The following CD99 variants were observed in gnomAD, a reference collection of about 807,000 sequenced individuals.
The protein encoded by CD99 is CD99 antigen.
CD99 carries 19 observed loss-of-function variants against 28.4 expected under a neutral mutation model. The observed-to-expected ratio is 0.67, with a 90% CI of 0.47 to 0.98. The LOEUF is 0.98. Among genes scored for constraint, CD99 ranks in the 50% least tolerant of loss-of-function variants. CD99 has a pLI of 0.00. For synonymous variants in CD99, 103 were observed against 92.1 expected (o/e 1.12, Z -0.67); for missense variants, 283 against 248.8 (o/e 1.14, Z -0.92).
chrX:2,694,756 G>GA (rs928806695), intron 1 of CD99, among the ~76,000 whole-genome samples: 3,217 of 145,010 alleles, frequency 0.022, 52 homozygotes, highest in Non-Finnish European at 0.031. Context: ...CAGTCTCAAA[G>GA]AAAAAAAAAA....
chrX:2,715,710 T>C lies in CD99; in HGVS notation c.100+1256T>C, dbSNP rs1004817257. 8 of 152,344 alleles carry C rather than the reference T, an allele frequency of 5.3e-5. No homozygotes were observed. The East Asian group carries it at 1.5e-3, about 29-fold the overall frequency. The allele number at this position is 152,344 out of a possible 1,614,324, so 9.4% of individuals were successfully genotyped here. On this transcript the variant is annotated intron_variant, in intron 2 of 9. Coordinates refer to ENST00000381192, the MANE Select transcript of CD99 (RefSeq NM_002414.5). The stretch of plus-strand genomic sequence containing the variant: ...CACTGCAGTTATATCCAGTTCTTTT[T>C]GGTGGCTCTAGGGGAGGATCCTTCC...
chrX:2,701,820 C>T (rs776240370), intron 1 of CD99, among the ~76,000 whole-genome samples: 1 of 152,236 alleles, frequency 6.6e-6, no homozygotes, highest in South Asian at 2.1e-4. Context: ...GGGGCTGGGG[C>T]TATTTTTGGC....
intron 1 of CD99, among the ~76,000 whole-genome samples, chrX:2,709,388 A>G (rs986053685): frequency 6.6e-5 from 10 of 152,226 alleles, no homozygotes; most frequent in African/African-American, 2.4e-4. Flanking sequence ...CCTCACACAT[A>G]TGCACACAAG....
chrX:2,704,310 G>A (rs1431470118), intron 1 of CD99, among the ~76,000 whole-genome samples: 1 of 152,048 alleles, frequency 6.6e-6, no homozygotes, highest in Non-Finnish European at 1.5e-5. Context: ...GTTCTTTCAC[G>A]TCTATACCCT....
At chrX:2,721,493 A>G (rs900458418) in intron 5 of CD99, among the ~76,000 whole-genome samples, 17 of 151,874 alleles carry the variant, frequency 1.1e-4, no homozygotes, top group Admixed American at 9.8e-4. Flanking sequence ...GTGGGGTCTC[A>G]GTATGTTGCC....
intron 1 of CD99, among the ~76,000 whole-genome samples, chrX:2,701,424 A>G (rs1043456762): frequency 6.6e-6 from 1 of 152,246 alleles, no homozygotes; most frequent in African/African-American, 2.4e-5. Context: ...CAATTTGGGC[A>G]TAAAAGCACC....
At chrX:2,738,723 CAAA>C (rs760587146) in intron 9 of CD99, among the ~76,000 whole-genome samples, 3 of 131,616 alleles carry the variant, frequency 2.3e-5, no homozygotes, top group African/African-American at 8.4e-5. Flanking sequence ...AGACATGTTT[CAAA>C]AAAAAAAAAA....
chrX:2,728,236 A>C (rs1156741056), intron 8 of CD99, among the ~76,000 whole-genome samples: 3 of 122,344 alleles, frequency 2.5e-5, no homozygotes, highest in African/African-American at 6.6e-5. Context: ...ATGGAGTCTC[A>C]CTCTGTCACC....
chrX:2,709,543 A>G (rs1388565221), intron 1 of CD99, among the ~76,000 whole-genome samples: 2 of 152,226 alleles, frequency 1.3e-5, no homozygotes, highest in Non-Finnish European at 2.9e-5. Context: ...ATGCAGTGCA[A>G]TACATATATG....
chrX:2,726,121 A>G, intron 7 of CD99, 139 bp from the exon 8 acceptor site: 1 of 622,302 alleles, frequency 1.6e-6, no homozygotes, highest in South Asian at 1.9e-5. Context: ...TTCCTTTGCA[A>G]ATCGGTCAGC....
At chrX:2,724,860 T>C (rs1204882443) in intron 7 of CD99, among the ~76,000 whole-genome samples, 2 of 147,322 alleles carry the variant, frequency 1.4e-5, no homozygotes, top group Non-Finnish European at 3.0e-5. Flanking sequence ...ATCGTGCCAC[T>C]GCACTCCAGC....
At chrX:2,723,266 T>G (rs373724672) in intron 6 of CD99, 48 bp from the exon 7 acceptor site, 24 of 1,606,308 alleles carry the variant, frequency 1.5e-5, no homozygotes, top group Non-Finnish European at 2.0e-5. Context: ...TGTGAATTTT[T>G]CCTTGACCCC....
intron 8 of CD99, among the ~76,000 whole-genome samples, chrX:2,727,908 C>T (rs2049377753): frequency 6.6e-6 from 1 of 152,148 alleles, no homozygotes; most frequent in African/African-American, 2.4e-5. Context: ...AGCACTGCCT[C>T]CTGAAGATTT....
At chrX:2,729,791 G>C (rs1295396940) in intron 8 of CD99, among the ~76,000 whole-genome samples, 2 of 152,150 alleles carry the variant, frequency 1.3e-5, no homozygotes, top group African/African-American at 4.8e-5. Context: ...TATTGCAGGA[G>C]GTGGGGCAGG....
At chrX:2,731,081 C>T (rs1364886702) in intron 8 of CD99, among the ~76,000 whole-genome samples, 1 of 152,146 alleles carries the variant, frequency 6.6e-6, no homozygotes, top group African/African-American at 2.4e-5. Context: ...ATATTTATCT[C>T]AGTGACATGA....
At chrX:2,701,702 G>A (rs2124486882) in intron 1 of CD99, among the ~76,000 whole-genome samples, 1 of 152,378 alleles carries the variant, frequency 6.6e-6, no homozygotes, top group South Asian at 2.1e-4. Context: ...CCACTGCTGA[G>A]GAGTGCAGAT....
chrX:2,736,834 G>A (rs753672226), intron 8 of CD99, among the ~76,000 whole-genome samples: 14 of 151,964 alleles, frequency 9.2e-5, no homozygotes, highest in African/African-American at 2.9e-4. Flanking sequence ...TCCAGCCTGG[G>A]CGACAGAGCG....
chrX:2,712,000 G>A (rs1291474449), intron 1 of CD99, among the ~76,000 whole-genome samples: 5 of 152,092 alleles, frequency 3.3e-5, no homozygotes, highest in South Asian at 2.1e-4. Flanking sequence ...CAAGATCATC[G>A]CACTCCAGCT....
intron 9 of CD99, 86 bp downstream of exon 9, chrX:2,738,342 C>A: frequency 7.8e-7 from 1 of 1,289,578 alleles, no homozygotes; most frequent in Non-Finnish European, 1.1e-6. Context: ...TGCTGTCCTG[C>A]TCACATTCTC....
Sources: gnomAD v4.1 joint callset for allele counts (sites outside exome capture counted in the v4.1 genomes callset) on GRCh38, gnomAD v4.1.1 for gene constraint, MANE v1.5 for transcripts, NCBI Gene and HGNC (gene_info 2026-07-23, HGNC 2026-07-21) for gene names.